CACNA1C: variants seen among roughly 807,000 people sequenced by gnomAD.
The protein encoded by CACNA1C is calcium voltage-gated channel subunit alpha1 C.
Under a neutral mutation model 229.0 loss-of-function variants are expected in CACNA1C, and 30 were observed. The observed-to-expected ratio is 0.13, with a 90% CI of 0.10 to 0.18. The LOEUF is 0.18. CACNA1C is among the 10% of genes least tolerant of loss of function. CACNA1C has a pLI of 1.00. For synonymous variants in CACNA1C, 1,114 were observed against 1,132.5 expected (o/e 0.98, Z 0.33); for missense variants, 1,658 against 2,845.0 (o/e 0.58, Z 9.49).
intron 5 of CACNA1C, among the ~76,000 whole-genome samples, chr12:2,483,720 G>A (rs542310291): frequency 6.6e-6 from 1 of 152,194 alleles, no homozygotes; most frequent in Non-Finnish European, 1.5e-5. Flanking sequence ...GTGACCCCCA[G>A]CCTGGACGGG....
Position 2,085,700 on chromosome 12 carries a change from A to G in CACNA1C, c.50-29524A>G, listed in dbSNP as rs566776027. 2.0e-5 allele frequency among the ~76,000 whole-genome samples: 3 copies of G among 152,084 alleles called. No individual in the cohort carries two copies. The South Asian group carries it at 6.2e-4, about 32-fold the overall frequency. ...AACTAGATTCTGTACTCCTGGCCTG[A>G]CTCCTTCTAGCCCTCATCCTGTACT... On this transcript the variant is annotated intron_variant, in intron 1 of 46. Coordinates refer to ENST00000399655, the MANE Select transcript of CACNA1C (RefSeq NM_000719.7).
chr12:2,243,412 G>A (rs1374522695), intron 3 of CACNA1C, among the ~76,000 whole-genome samples: 2 of 152,214 alleles, frequency 1.3e-5, no homozygotes, highest in African/African-American at 4.8e-5. Context: ...TTAGTCAGGG[G>A]CCTGGTGGCT....
chr12:2,518,763 C>T (rs11609100), intron 9 of CACNA1C, among the ~76,000 whole-genome samples: 12,851 of 152,168 alleles, frequency 0.084, 650 homozygotes, highest in Middle Eastern at 0.13. Context: ...TGTTTTTGTC[C>T]TTGATTCTGT....
chr12:2,340,774 G>A (rs576063113), intron 3 of CACNA1C, among the ~76,000 whole-genome samples: 12 of 151,920 alleles, frequency 7.9e-5, no homozygotes, highest in African/African-American at 2.9e-4. Flanking sequence ...TGGTTAACAC[G>A]GTGAAACCCC....
chr12:2,169,569 T>G (rs1467255403), intron 3 of CACNA1C, among the ~76,000 whole-genome samples: 2 of 152,208 alleles, frequency 1.3e-5, no homozygotes, highest in Non-Finnish European at 2.9e-5. Context: ...GGTCTCTCTC[T>G]TCTGTCATGT....
chr12:2,650,733 A>T (rs376334017), intron 31 of CACNA1C, among the ~76,000 whole-genome samples: 10 of 152,172 alleles, frequency 6.6e-5, no homozygotes, highest in East Asian at 1.9e-4. Flanking sequence ...CAACAGCAGC[A>T]GCCCAAGCAC....
chr12:1,979,862 A>C (rs1302983509), intron 1 of CACNA1C, among the ~76,000 whole-genome samples: 2 of 152,228 alleles, frequency 1.3e-5, no homozygotes. Context: ...AATGTCCAAT[A>C]AGCATATGAA....
At chr12:2,055,501 A>G (rs1320618959) in intron 1 of CACNA1C, among the ~76,000 whole-genome samples, 1 of 152,216 alleles carries the variant, frequency 6.6e-6, no homozygotes, top group Non-Finnish European at 1.5e-5. Context: ...ACCCCTTCTG[A>G]ACCCATTTCC....
At chr12:2,501,131 C>T (rs1290074070) in intron 7 of CACNA1C, among the ~76,000 whole-genome samples, 2 of 140,326 alleles carry the variant, frequency 1.4e-5, no homozygotes, top group Non-Finnish European at 3.0e-5. Context: ...ATGGCATGAA[C>T]CCAGGAGGTG....
Position 2,467,653 on chromosome 12 carries a change from G to A in CACNA1C, c.757+9947G>A, listed in dbSNP as rs2099566613. 6.6e-6 allele frequency among the ~76,000 whole-genome samples: 1 copy of A among 152,172 alleles called. No individual in the cohort carries two copies. The highest frequency in any genetic ancestry group is 1.5e-5 in the Non-Finnish European group (1 of 68,010). On this transcript the variant is annotated intron_variant, in intron 5 of 46. Transcript: ENST00000399655. This position sits in a 1 kb window ranked among gnomAD's most constrained non-coding sequence, Gnocchi z 4.6. ...CCTCTAAGAAACAGAATTTAGAACA[G>A]GGTGGGTCCCACGCCCAGCCCCGCC...
intron 5 of CACNA1C, among the ~76,000 whole-genome samples, chr12:2,474,687 C>T (rs1434183501): frequency 5.4e-5 from 8 of 149,136 alleles, no homozygotes; most frequent in East Asian, 2.0e-4. Context: ...ACCTGGGAGG[C>T]GCAGGTTGCA....
chr12:2,204,242 A>G (rs995959356), intron 3 of CACNA1C, among the ~76,000 whole-genome samples: 14 of 152,088 alleles, frequency 9.2e-5, no homozygotes, highest in African/African-American at 3.1e-4. Flanking sequence ...TGGCTGCATA[A>G]ATGTCTTCTT....
chr12:2,430,212 C>T (rs1159788475), intron 3 of CACNA1C, among the ~76,000 whole-genome samples: 1 of 152,150 alleles, frequency 6.6e-6, no homozygotes, highest in Non-Finnish European at 1.5e-5. Context: ...AAGGCCCCAC[C>T]TCCTAATACC....
chr12:2,513,916 T>G (rs192492657), intron 9 of CACNA1C, among the ~76,000 whole-genome samples: 1 of 152,368 alleles, frequency 6.6e-6, no homozygotes, highest in African/African-American at 2.4e-5. Context: ...AACCACTCTC[T>G]ATATCTCATT....
Position 2,275,644 on chromosome 12 carries a change from CCTCT to C in CACNA1C, c.477+155219_477+155222del, listed in dbSNP as rs1453773838. On this transcript the variant is annotated intron_variant, in intron 3 of 46. Coordinates refer to ENST00000399655, the MANE Select transcript of CACNA1C (RefSeq NM_000719.7). The surrounding 1 kb of genome is among the most constrained non-coding windows in gnomAD (Gnocchi z 4.1). Reference sequence around the variant, plus strand: ...GCCCACAGCACCACTGGATCTTTCCCCTCTCTCTGTGAGAAGACGGCCAGTCTCA... The same window carrying C: ...GCCCACAGCACCACTGGATCTTTCCCCTCTGTGAGAAGACGGCCAGTCTCA... 1.3e-5 allele frequency among the ~76,000 whole-genome samples: 2 copies of C among 152,166 alleles called. No homozygotes were observed. Among genetic ancestry groups the C allele is most frequent in the African/African-American group, 4.8e-5 (2 of 41,432 alleles).
intron 1 of CACNA1C, among the ~76,000 whole-genome samples, chr12:1,977,584 G>A (rs75069291): frequency 0.015 from 2,358 of 152,198 alleles, 67 homozygotes; most frequent in African/African-American, 0.051. Flanking sequence ...TTTATTTCCT[G>A]TGTTTATTTG....
At chr12:2,648,125 T>C (rs375388070) in intron 30 of CACNA1C, among the ~76,000 whole-genome samples, 1 of 152,236 alleles carries the variant, frequency 6.6e-6, no homozygotes, top group East Asian at 1.9e-4. Context: ...GCAACAGAGC[T>C]GAGACCCTGT....
At chr12:2,089,873 C>A (rs575156347) in intron 1 of CACNA1C, among the ~76,000 whole-genome samples, 1,943 of 151,332 alleles carry the variant, frequency 0.013, 28 homozygotes, top group Middle Eastern at 0.027. Flanking sequence ...ACTAAAAATA[C>A]AAAAAATTAG....
At chr12:2,122,514 C>T (rs905204342) in intron 3 of CACNA1C, among the ~76,000 whole-genome samples, 1 of 152,126 alleles carries the variant, frequency 6.6e-6, no homozygotes, top group Non-Finnish European at 1.5e-5. Flanking sequence ...AGAAACCCAT[C>T]GCGAGTGCTG....
Sources: allele counts gnomAD v4.1 joint callset (sites outside exome capture counted in the v4.1 genomes callset), GRCh38; gene constraint gnomAD v4.1.1; non-coding constraint Gnocchi (gnomAD v3.1); transcripts MANE v1.5; gene names NCBI Gene and HGNC (gene_info 2026-07-23, HGNC 2026-07-21).